TMEM182: variants seen among roughly 807,000 people sequenced by gnomAD.
TMEM182 encodes transmembrane protein 182.
TMEM182 carries 20 observed loss-of-function variants against 26.8 expected under a neutral mutation model. That is an observed-to-expected ratio of 0.75 (90% confidence interval 0.53 to 1.09). The LOEUF is 1.09. TMEM182 is among the 50% of genes least tolerant of loss of function. TMEM182 has a pLI of 0.00. For synonymous variants in TMEM182, 109 were observed against 102.2 expected, an observed-to-expected ratio of 1.07 and a Z score of -0.40; for missense variants, 277 against 275.5, an observed-to-expected ratio of 1.01 and a Z score of -0.04.
At chr2:102,751,233 G>A (rs1048265453) in intron 1 of TMEM182, among the ~76,000 whole-genome samples, 10 of 152,102 alleles carry the variant, frequency 6.6e-5, no homozygotes, top group African/African-American at 9.7e-5. Context: ...GGAGTTCACC[G>A]GATTTTATAG....
At chr2:102,778,184 GCT>G (rs1451661395) in intron 3 of TMEM182, among the ~76,000 whole-genome samples, 1 of 151,794 alleles carries the variant, frequency 6.6e-6, no homozygotes, top group East Asian at 1.9e-4. Context: ...TTATTTCATA[GCT>G]CTGTTTTTTT....
chr2:102,741,064 A>G (rs1679526423), intron 1 of TMEM182, among the ~76,000 whole-genome samples: 1 of 152,232 alleles, frequency 6.6e-6, no homozygotes. Context: ...TCCATTATTA[A>G]AACAAACACA....
chr2:102,826,373 T>C (rs1683031372), intron 3 of TMEM182, among the ~76,000 whole-genome samples: 1 of 148,984 alleles, frequency 6.7e-6, no homozygotes, highest in African/African-American at 2.5e-5. Flanking sequence ...GCTATTGTGG[T>C]TTAGAGAGAG....
chr2:102,841,125 G>A (rs1266857921), intron 3 of TMEM182, among the ~76,000 whole-genome samples: 3 of 152,130 alleles, frequency 2.0e-5, no homozygotes, highest in African/African-American at 7.2e-5. Flanking sequence ...GCAGGCGGAG[G>A]CGGATCGGGG....
At chr2:102,811,751 G>A (rs12329364) in intron 4 of TMEM182, among the ~76,000 whole-genome samples, 4,772 of 152,228 alleles carry the variant, frequency 0.031, 269 homozygotes, top group African/African-American at 0.11. Context: ...TAAGCTATGG[G>A]AGGCCCCATC....
downstream of TMEM182, among the ~76,000 whole-genome samples, chr2:102,818,260 C>T (rs373513561): frequency 6.6e-6 from 1 of 152,114 alleles, no homozygotes; most frequent in Non-Finnish European, 1.5e-5. Context: ...GACATTTCCT[C>T]AGTGATGATC....
At chr2:102,793,238 C>G (rs1447450760) in intron 3 of TMEM182, among the ~76,000 whole-genome samples, 1 of 152,150 alleles carries the variant, frequency 6.6e-6, no homozygotes, top group Non-Finnish European at 1.5e-5. Context: ...TGCATTGGCT[C>G]TGTGTCAGGT....
intron 3 of TMEM182, among the ~76,000 whole-genome samples, chr2:102,770,432 A>C (rs1345956930): frequency 2.0e-5 from 3 of 152,120 alleles, no homozygotes; most frequent in Non-Finnish European, 4.4e-5. Context: ...TGTGTATCCC[A>C]TCCCGGTTCA....
chr2:102,788,084 G>C (rs1053271193), intron 3 of TMEM182, among the ~76,000 whole-genome samples: 14 of 152,132 alleles, frequency 9.2e-5, no homozygotes, highest in African/African-American at 3.4e-4. Context: ...TGAGAGACAA[G>C]GGTGGCGGTG....
chr2:102,751,839 A>G (rs1679884909), intron 1 of TMEM182, among the ~76,000 whole-genome samples: 2 of 151,860 alleles, frequency 1.3e-5, no homozygotes, highest in Non-Finnish European at 2.9e-5. Flanking sequence ...GCTAGTTTTT[A>G]AATTTTTTGT....
chr2:102,803,335 C>A (rs1420567011), intron 4 of TMEM182, among the ~76,000 whole-genome samples: 1 of 152,230 alleles, frequency 6.6e-6, no homozygotes, highest in Non-Finnish European at 1.5e-5. Context: ...GCACAGCCGT[C>A]TGCAGCTCAC....
At chr2:102,841,399 A>C (rs1386448614) in intron 3 of TMEM182, among the ~76,000 whole-genome samples, 1 of 152,186 alleles carries the variant, frequency 6.6e-6, no homozygotes, top group Non-Finnish European at 1.5e-5. Flanking sequence ...AGTATCCTGC[A>C]GAGGACCCGG....
At chr2:102,839,427 G>A (rs901650322) in intron 3 of TMEM182, among the ~76,000 whole-genome samples, 1 of 135,666 alleles carries the variant, frequency 7.4e-6, no homozygotes, top group African/African-American at 2.8e-5. Context: ...TATATTTATG[G>A]AGTACATTGT....
At chr2:102,782,286 A>G (rs946941816) in intron 3 of TMEM182, among the ~76,000 whole-genome samples, 2 of 148,308 alleles carry the variant, frequency 1.3e-5, no homozygotes, top group African/African-American at 5.1e-5. Flanking sequence ...AGATAGTGCC[A>G]TTGCACTCCA....
intron 3 of TMEM182, among the ~76,000 whole-genome samples, chr2:102,790,930 A>C (rs541595969): frequency 3.5e-4 from 53 of 152,226 alleles, no homozygotes; most frequent in African/African-American, 1.2e-3. Flanking sequence ...TTTATTAGTT[A>C]ACTTATTTAT....
intron 1 of TMEM182, among the ~76,000 whole-genome samples, chr2:102,748,128 T>C (rs549910463): frequency 6.6e-6 from 1 of 152,350 alleles, no homozygotes; most frequent in East Asian, 1.9e-4. Context: ...CATTCATTCT[T>C]GAAATCCTTG....
intron 1 of TMEM182, among the ~76,000 whole-genome samples, chr2:102,751,677 T>A (rs969611744): frequency 6.6e-6 from 1 of 152,186 alleles, no homozygotes; most frequent in East Asian, 1.9e-4. Flanking sequence ...TGTATCGTTA[T>A]GTCCTTTTTC....
At chr2:102,799,047 A>G (rs1286553071) in intron 4 of TMEM182, among the ~76,000 whole-genome samples, 1 of 152,230 alleles carries the variant, frequency 6.6e-6, no homozygotes, top group Non-Finnish European at 1.5e-5. Context: ...AAGCCAGACT[A>G]TTAACTTGGA....
intron 3 of TMEM182, among the ~76,000 whole-genome samples, chr2:102,833,940 A>T (rs1683195908): frequency 6.6e-6 from 1 of 152,170 alleles, no homozygotes; most frequent in African/African-American, 2.4e-5. Context: ...GGCACCATTG[A>T]TTCTATTGAT....
Sources: allele counts gnomAD v4.1 joint callset (sites outside exome capture counted in the v4.1 genomes callset), GRCh38; gene constraint gnomAD v4.1.1; transcripts MANE v1.5; gene names NCBI Gene and HGNC (gene_info 2026-07-23, HGNC 2026-07-21).